SCN11A: variants seen among roughly 807,000 people sequenced by gnomAD.
The protein encoded by SCN11A is sodium voltage-gated channel alpha subunit 11, also known as sodium channel protein type 11 subunit alpha.
Under a neutral mutation model 162.2 loss-of-function variants are expected in SCN11A, and 122 were observed. The observed-to-expected ratio is 0.75, with a 90% CI of 0.65 to 0.87. SCN11A has a LOEUF of 0.87. SCN11A is among the 40% of genes least tolerant of loss of function. SCN11A has a pLI of 0.00. For missense variants in SCN11A, 2,015 were observed against 2,181.6 expected (o/e 0.92, Z 1.52); for synonymous variants, 758 against 751.5 (o/e 1.01, Z -0.14).
intron 2 of SCN11A, among the ~76,000 whole-genome samples, chr3:39,011,946 C>T (rs912061188): frequency 1.3e-5 from 2 of 152,162 alleles, no homozygotes; most frequent in African/African-American, 4.8e-5. Flanking sequence ...CAAGGAAACT[C>T]TCTTATCTTT....
chr3:39,046,837 T>G (rs997190561), intron 1 of SCN11A, among the ~76,000 whole-genome samples: 5 of 152,078 alleles, frequency 3.3e-5, no homozygotes, highest in African/African-American at 1.2e-4. Context: ...CCTCCCACTT[T>G]AGCCTCTTGA....
intron 10 of SCN11A, among the ~76,000 whole-genome samples, chr3:38,920,733 G>C (rs1014266236): frequency 3.0e-4 from 45 of 151,152 alleles, no homozygotes; most frequent in African/African-American, 1.1e-3. Context: ...TACTTGAGGA[G>C]TGGGGCTGGG....
At chr3:38,971,390 G>A (rs1321232720) in intron 2 of SCN11A, among the ~76,000 whole-genome samples, 1 of 152,114 alleles carries the variant, frequency 6.6e-6, no homozygotes, top group Non-Finnish European at 1.5e-5. Flanking sequence ...AGGCTCACAG[G>A]CCAGGTGATC....
chr3:38,987,249 T>C (rs1389218143), intron 2 of SCN11A, among the ~76,000 whole-genome samples: 1 of 150,804 alleles, frequency 6.6e-6, no homozygotes, highest in Admixed American at 6.6e-5. Flanking sequence ...CTCTTTCTTC[T>C]TCCTCCCTTT....
At chr3:38,952,557 T>TA (rs1318993371) in intron 4 of SCN11A, among the ~76,000 whole-genome samples, 2 of 152,206 alleles carry the variant, frequency 1.3e-5, no homozygotes, top group African/African-American at 2.4e-5. Flanking sequence ...GTCCAACAGT[T>TA]ACACTGTCCT....
chr3:38,889,835 A>C (rs1282437390), intron 19 of SCN11A, among the ~76,000 whole-genome samples: 1 of 134,578 alleles, frequency 7.4e-6, no homozygotes, highest in Non-Finnish European at 1.6e-5. Context: ...AATAAAATAA[A>C]ATAAAATAAA....
rs57304690 is a variant in SCN11A, at chr3:38,954,651, CA to C, written c.-138-893del. ...ATAAAAAAACAAACAAACAAACAAA[CA>C]AAAAAACAAAAAAACACACACACAC... On this transcript the variant is annotated intron_variant, in intron 3 of 29. Transcript: ENST00000302328. 2.0e-5 allele frequency among the ~76,000 whole-genome samples: 3 copies of C among 151,274 alleles called. No homozygotes were observed. The East Asian group carries it at 5.8e-4, about 29-fold the overall frequency.
chr3:38,847,308 T>C lies in SCN11A; in HGVS notation c.4762A>G (p.Ile1588Val). 1 of 1,614,224 alleles carries C rather than the reference T, an allele frequency of 6.2e-7. No individual in the cohort carries two copies. The highest frequency in any genetic ancestry group is 1.1e-5 in the South Asian group (1 of 91,082). ...ACAACAATGAGAAAGGAGATGATAA[T>C]GTAACTGACAAAGTAGGATGTGGCT... is the stretch of plus-strand genomic sequence containing the variant. ...GIATSYFVSY[I>V]IISFLIVVNM... is the part of the protein sequence containing the mutation. The change falls in exon 30 of 30, where the codon ATT becomes GTT. Residue 1588 changes from isoleucine to valine, a missense_variant. Physicochemically the swap from Ile to Val is conservative, Grantham distance 29. Transcript: ENST00000302328.
At chr3:38,849,698 C>T (rs948157309) in intron 29 of SCN11A, 1 of 152,038 alleles carries the variant, frequency 6.6e-6, no homozygotes, top group Non-Finnish European at 1.5e-5. Context: ...ATGGTTTAGC[C>T]ATGAAGAATT....
intron 27 of SCN11A, 149 bp from the exon 28 acceptor site, chr3:38,863,448 G>T (rs142520183): frequency 1.8e-6 from 1 of 552,600 alleles, no homozygotes; most frequent in Non-Finnish European, 3.2e-6. Flanking sequence ...GGACCATAGC[G>T]AAATGCTGTA....
chr3:38,952,894 C>A (rs892851540), intron 4 of SCN11A, among the ~76,000 whole-genome samples: 1 of 152,158 alleles, frequency 6.6e-6, no homozygotes, highest in Non-Finnish European at 1.5e-5. Flanking sequence ...AGTGGAATGG[C>A]CAATAGGGCT....
intron 29 of SCN11A, chr3:38,849,256 C>CTTTTTTT (rs1559484396): frequency 1.4e-5 from 1 of 72,936 alleles, no homozygotes; most frequent in African/African-American, 8.2e-5. Flanking sequence ...ATTTTCTAGC[C>CTTTTTTT]CTTTTTTTTT....
chr3:39,035,171 G>T (rs2031872001), intron 1 of SCN11A, among the ~76,000 whole-genome samples: 1 of 152,028 alleles, frequency 6.6e-6, no homozygotes, highest in Non-Finnish European at 1.5e-5. Context: ...AAAACTGAAG[G>T]AATCACATTA....
Position 38,897,227 on chromosome 3 carries a change from T to C in SCN11A, c.2023-2A>G, listed in dbSNP as rs1270488392. 2.5e-6 allele frequency: 4 copies of C among 1,581,200 alleles called. No individual in the cohort carries two copies. In the Admixed American group the frequency reaches 5.8e-5, roughly 23 times the overall value. On this transcript the variant is annotated splice_acceptor_variant, in intron 17 of 29. Transcript: ENST00000302328. LOFTEE classifies it high-confidence loss of function. ...TTTGGCTAACTTGAAGACCCTGAGC[T>C]GTAGAAAAAGACAACAAACAAAAAT...
intron 28 of SCN11A, among the ~76,000 whole-genome samples, chr3:38,862,708 A>G (rs2064983241): frequency 6.6e-6 from 1 of 152,120 alleles, no homozygotes; most frequent in African/African-American, 2.4e-5. Context: ...ATAAAGGCAT[A>G]AGAATGATAT....
At chr3:39,040,282 T>C (rs1238637035) in intron 1 of SCN11A, among the ~76,000 whole-genome samples, 2 of 152,212 alleles carry the variant, frequency 1.3e-5, no homozygotes, top group Admixed American at 6.5e-5. Context: ...GCCTTTTGTC[T>C]AAGATCGAGT....
intron 7 of SCN11A, among the ~76,000 whole-genome samples, chr3:38,935,165 G>C (rs1262847214): frequency 2.0e-5 from 3 of 152,146 alleles, no homozygotes; most frequent in Admixed American, 2.0e-4. Context: ...AAATAAAGAT[G>C]TTCTTTGAAA....
intron 1 of SCN11A, among the ~76,000 whole-genome samples, chr3:39,045,898 G>C (rs1381197424): frequency 6.6e-6 from 1 of 152,112 alleles, no homozygotes; most frequent in African/African-American, 2.4e-5. Context: ...AAAACTTAAA[G>C]ACTTCATCAA....
intron 26 of SCN11A, among the ~76,000 whole-genome samples, chr3:38,867,935 T>A (rs1293298548): frequency 6.6e-6 from 1 of 152,184 alleles, no homozygotes. Flanking sequence ...TGTGGTAATG[T>A]CCTTTCACTC....
Sources: gnomAD v4.1 joint callset for allele counts (sites outside exome capture counted in the v4.1 genomes callset) on GRCh38, gnomAD v4.1.1 for gene constraint, MANE v1.5 for transcripts, NCBI Gene and HGNC (gene_info 2026-07-23, HGNC 2026-07-21) for gene names.